The following CSMD3 variants were observed in gnomAD, a reference collection of about 807,000 sequenced individuals.
The protein encoded by CSMD3 is CUB and sushi domain-containing protein 3.
In CSMD3, 177 loss-of-function variants were observed where a neutral mutation model predicts 435.2. The observed-to-expected ratio is 0.41, with a 90% CI of 0.36 to 0.46. The LOEUF is 0.46. Among genes scored for constraint, CSMD3 ranks in the 20% least tolerant of loss-of-function variants. The pLI is 0.34. For synonymous variants in CSMD3, 1,656 were observed against 1,520.5 expected, an observed-to-expected ratio of 1.09 and a Z score of -2.07; for missense variants, 4,265 against 4,504.6, an observed-to-expected ratio of 0.95 and a Z score of 1.52.
chr8:112,889,483 C>T (rs929846556), intron 10 of CSMD3, among the ~76,000 whole-genome samples: 2 of 151,646 alleles, frequency 1.3e-5, no homozygotes, highest in African/African-American at 4.8e-5. Context: ...ACAGACCAGC[C>T]TAGCATTAGT....
At chr8:113,359,015 G>C (rs569627795) in intron 1 of CSMD3, among the ~76,000 whole-genome samples, 3 of 151,970 alleles carry the variant, frequency 2.0e-5, no homozygotes, top group African/African-American at 7.2e-5. Flanking sequence ...TTAGCAAAAA[G>C]TAAATTTGAT....
intron 3 of CSMD3, among the ~76,000 whole-genome samples, chr8:113,181,004 C>T (rs2092414536): frequency 6.6e-6 from 1 of 151,840 alleles, no homozygotes; most frequent in Non-Finnish European, 1.5e-5. Flanking sequence ...AAAAGGACAA[C>T]TATTATATGT....
chr8:113,100,914 G>A (rs940254832), intron 4 of CSMD3, among the ~76,000 whole-genome samples: 1 of 152,072 alleles, frequency 6.6e-6, no homozygotes, highest in Non-Finnish European at 1.5e-5. Flanking sequence ...GAGCAGAGGT[G>A]GGGCAGAGGT....
At chr8:113,175,807 T>C (rs1261350710) in intron 3 of CSMD3, among the ~76,000 whole-genome samples, 1 of 152,040 alleles carries the variant, frequency 6.6e-6, no homozygotes, top group African/African-American at 2.4e-5. Flanking sequence ...AATCCACTCC[T>C]CTTCCTTCCA....
At chr8:113,006,859 G>C (rs1163421700) in intron 6 of CSMD3, among the ~76,000 whole-genome samples, 2 of 151,898 alleles carry the variant, frequency 1.3e-5, no homozygotes, top group Non-Finnish European at 2.9e-5. Flanking sequence ...AATCCCAGAA[G>C]AGAAAGGCCC....
At chr8:112,440,006 T>C (rs1814819860) in intron 32 of CSMD3, among the ~76,000 whole-genome samples, 1 of 152,130 alleles carries the variant, frequency 6.6e-6, no homozygotes, top group Non-Finnish European at 1.5e-5. Flanking sequence ...ATAACAATCA[T>C]ACCTTTCCAA....
intron 53 of CSMD3, among the ~76,000 whole-genome samples, chr8:112,296,533 G>C (rs973626937): frequency 1.0e-4 from 15 of 148,264 alleles, no homozygotes; most frequent in African/African-American, 1.5e-4. Context: ...CTGGGCAACA[G>C]AGCAAGACTC....
chr8:113,397,322 T>A (rs1427985757), intron 1 of CSMD3, among the ~76,000 whole-genome samples: 4 of 152,190 alleles, frequency 2.6e-5, no homozygotes, highest in African/African-American at 7.2e-5. Context: ...TTATGGTCTC[T>A]TTAAATTCAT....
intron 3 of CSMD3, among the ~76,000 whole-genome samples, chr8:113,179,174 A>C (rs1240795278): frequency 6.6e-6 from 1 of 151,818 alleles, no homozygotes; most frequent in Non-Finnish European, 1.5e-5. Flanking sequence ...TTAATATGAG[A>C]ATACCAATTT....
chr8:113,362,730 A>G (rs1309945686), intron 1 of CSMD3, among the ~76,000 whole-genome samples: 1 of 152,148 alleles, frequency 6.6e-6, no homozygotes, highest in Non-Finnish European at 1.5e-5. Context: ...TCCCCACTCA[A>G]TATCACACTT....
chr8:113,301,935 T>C (rs947097068), intron 2 of CSMD3, among the ~76,000 whole-genome samples: 1 of 151,828 alleles, frequency 6.6e-6, no homozygotes, highest in Admixed American at 6.6e-5. Context: ...CTGATATAAA[T>C]GTGACCACTT....
intron 9 of CSMD3, among the ~76,000 whole-genome samples, chr8:112,929,558 A>G (rs1391386134): frequency 6.6e-6 from 1 of 152,008 alleles, no homozygotes; most frequent in Non-Finnish European, 1.5e-5. Flanking sequence ...TATAACACTC[A>G]ATAGGTCAGA....
At chr8:112,472,787 A>G in intron 31 of CSMD3, 80 bp from the exon 32 acceptor site, 1 of 762,940 alleles carries the variant, frequency 1.3e-6, no homozygotes, top group Non-Finnish European at 2.4e-6. Flanking sequence ...TTCATATAAA[A>G]AATATATGGC....
In CSMD3 at chr8:112,510,268, C is replaced by A. The variant is rs10102680; in HGVS notation, c.4757-3439G>T. On this transcript the variant is annotated intron_variant, in intron 28 of 70. Coordinates refer to ENST00000297405, the MANE Select transcript of CSMD3 (RefSeq NM_198123.2). ...TCGTACTATGTATATGCATAAAATT[C>A]TGCAACTGTTTCACATTGTCTAAAA... 1.1e-3 allele frequency among the ~76,000 whole-genome samples: 162 copies of A among 152,304 alleles called. 2 individuals carry two copies. The highest frequency in any genetic ancestry group is 3.8e-3 in the African/African-American group (160 of 41,568).
rs569995895 is a variant in CSMD3, at chr8:112,526,263, T to C, written c.4565-9038A>G. On this transcript the variant is annotated intron_variant, in intron 27 of 70. Coordinates refer to ENST00000297405, the MANE Select transcript of CSMD3 (RefSeq NM_198123.2). ...ATCATTCAATATCATAGTAGGGCAT[T>C]TTAGTTTATTTGCAAAATAGTACTT... 4.3e-4 allele frequency among the ~76,000 whole-genome samples: 65 copies of C among 152,104 alleles called. 1 individual carries two copies. The highest frequency in any genetic ancestry group is 3.4e-3 in the Middle Eastern group (1 of 292).
chr8:112,455,754 C>T (rs540974678), intron 32 of CSMD3, among the ~76,000 whole-genome samples: 49 of 151,754 alleles, frequency 3.2e-4, no homozygotes, highest in Non-Finnish European at 6.0e-4. Context: ...AAGTGACTTG[C>T]TCAGTTTCAC....
intron 39 of CSMD3, among the ~76,000 whole-genome samples, chr8:112,351,712 A>G (rs574957009): frequency 2.6e-5 from 4 of 152,050 alleles, no homozygotes; most frequent in South Asian, 2.1e-4. Flanking sequence ...ATCTGTTTGC[A>G]CTTCTGAGAT....
rs182394659 is a variant in CSMD3 at position 113,247,412 on chromosome 8, G to A, written c.514+31180C>T. On this transcript the variant is annotated intron_variant, in intron 3 of 70. Coordinates refer to ENST00000297405, the MANE Select transcript of CSMD3 (RefSeq NM_198123.2). Reference sequence around the variant, plus strand: ...CTTGCAGTGTTTTACAGCTACTGTGGTTGTGCACCTAATAGTTTTCAAGGG... The same window carrying A: ...CTTGCAGTGTTTTACAGCTACTGTGATTGTGCACCTAATAGTTTTCAAGGG... Among the ~76,000 whole-genome samples, 46 of 152,196 alleles carry A rather than the reference G, an allele frequency of 3.0e-4. 1 individual carries two copies. Among genetic ancestry groups the A allele is most frequent in the Non-Finnish European group, 1.2e-4 (8 of 68,004 alleles).
At chr8:113,052,442 T>C (rs555988443) in intron 5 of CSMD3, among the ~76,000 whole-genome samples, 8 of 152,228 alleles carry the variant, frequency 5.3e-5, no homozygotes, top group Admixed American at 1.3e-4. Flanking sequence ...TCTGCAAATA[T>C]GCTTACCATC....
Sources: allele counts gnomAD v4.1 joint callset (sites outside exome capture counted in the v4.1 genomes callset), GRCh38; gene constraint gnomAD v4.1.1; transcripts MANE v1.5; gene names NCBI Gene and HGNC (gene_info 2026-07-23, HGNC 2026-07-21).